The following GALNTL6 variants were observed in gnomAD, a reference collection of about 807,000 sequenced individuals.
GALNTL6 encodes the protein polypeptide N-acetylgalactosaminyltransferase like 6, also known as polypeptide N-acetylgalactosaminyltransferase-like 6.
In GALNTL6, 46 loss-of-function variants were observed where a neutral mutation model predicts 73.7. The ratio of observed to expected loss-of-function variants is 0.62; its 90% CI spans 0.49 to 0.80. The LOEUF is 0.80. Among genes scored for constraint, GALNTL6 ranks in the 30% least tolerant of loss-of-function variants. The probability of loss-of-function intolerance (pLI) is 0.00; values close to 1 mark genes in which losing one functional copy is unlikely to be tolerated. For missense variants in GALNTL6, 604 were observed against 755.0 expected, an observed-to-expected ratio of 0.80 and a Z score of 2.34; for synonymous variants, 259 against 263.7, an observed-to-expected ratio of 0.98 and a Z score of 0.17.
intron 5 of GALNTL6, among the ~76,000 whole-genome samples, chr4:172,351,909 A>G (rs957564935): frequency 6.6e-6 from 1 of 152,168 alleles, no homozygotes. Context: ...GGCCAAAAGC[A>G]CTAAACTTTA....
At chr4:172,246,831 A>T (rs7691550) in intron 3 of GALNTL6, among the ~76,000 whole-genome samples, 2,052 of 148,906 alleles carry the variant, frequency 0.014, 48 homozygotes, top group African/African-American at 0.048. Context: ...TATATATATA[A>T]ATATAAAATT....
At chr4:172,461,748 T>G (rs1233355363) in intron 5 of GALNTL6, among the ~76,000 whole-genome samples, 1 of 152,218 alleles carries the variant, frequency 6.6e-6, no homozygotes, top group African/African-American at 2.4e-5. Context: ...AGCTTGCTTT[T>G]GGGCACTCTT....
chr4:171,988,521 A>C, intron 2 of GALNTL6, among the ~76,000 whole-genome samples: 1 of 152,156 alleles, frequency 6.6e-6, no homozygotes, highest in African/African-American at 2.4e-5. Context: ...TTTGAGATCT[A>C]GAACAGAATA....
intron 3 of GALNTL6, among the ~76,000 whole-genome samples, chr4:172,304,919 C>T (rs930591744): frequency 3.9e-5 from 6 of 152,102 alleles, no homozygotes; most frequent in Admixed American, 3.9e-4. Context: ...TTGCAGTTTC[C>T]AGGTTATACA....
intron 5 of GALNTL6, among the ~76,000 whole-genome samples, chr4:172,568,775 A>AAAC (rs1221777027): frequency 1.3e-5 from 2 of 150,674 alleles, no homozygotes; most frequent in Non-Finnish European, 3.0e-5. Context: ...AAAAAAAAAA[A>AAAC]AAAAGTAACA....
intron 5 of GALNTL6, among the ~76,000 whole-genome samples, chr4:172,576,786 A>G (rs3864149): frequency 0.47 from 71,812 of 152,006 alleles, 18,830 homozygotes; most frequent in East Asian, 0.67. Flanking sequence ...TATTGTCTCA[A>G]TAGATTCTGA....
At chr4:172,608,965 A>G (rs1303443080) in intron 5 of GALNTL6, among the ~76,000 whole-genome samples, 1 of 151,962 alleles carries the variant, frequency 6.6e-6, no homozygotes, top group South Asian at 2.1e-4. Flanking sequence ...TAATTTTTGT[A>G]TGTTAATTTT....
At chr4:172,576,849 G>C (rs1363176227) in intron 5 of GALNTL6, among the ~76,000 whole-genome samples, 1 of 152,162 alleles carries the variant, frequency 6.6e-6, no homozygotes, top group East Asian at 1.9e-4. Context: ...ATGTTTCTAT[G>C]TAGAGACTGA....
chr4:171,899,499 A>G (rs1207972604), intron 2 of GALNTL6, among the ~76,000 whole-genome samples: 1 of 152,114 alleles, frequency 6.6e-6, no homozygotes, highest in Non-Finnish European at 1.5e-5. Flanking sequence ...CGTTTATTTA[A>G]TGTATCACGG....
chr4:171,944,870 A>C (rs114856600), intron 2 of GALNTL6, among the ~76,000 whole-genome samples: 2,965 of 152,094 alleles, frequency 0.019, 99 homozygotes, highest in African/African-American at 0.068. Context: ...CTAATTGATA[A>C]TGATATCAGT....
chr4:172,994,110 A>AT (rs1406119935), intron 10 of GALNTL6, among the ~76,000 whole-genome samples: 2 of 152,154 alleles, frequency 1.3e-5, no homozygotes, highest in African/African-American at 4.8e-5. Context: ...CACGTATGAG[A>AT]TTTTTCAGAA....
At chr4:172,901,296 G>C (rs1318560335) in intron 8 of GALNTL6, among the ~76,000 whole-genome samples, 1 of 152,100 alleles carries the variant, frequency 6.6e-6, no homozygotes, top group African/African-American at 2.4e-5. Context: ...TTTGCAGTGA[G>C]ACAAGAAGAA....
At chr4:172,306,584 A>G (rs1485229664) in intron 3 of GALNTL6, among the ~76,000 whole-genome samples, 2 of 152,202 alleles carry the variant, frequency 1.3e-5, no homozygotes, top group Non-Finnish European at 2.9e-5. Context: ...GTGCACACTG[A>G]ACCCAATGTG....
chr4:173,039,487 G>T (rs1486345491), intron 12 of GALNTL6, among the ~76,000 whole-genome samples: 1 of 151,984 alleles, frequency 6.6e-6, no homozygotes, highest in South Asian at 2.1e-4. Flanking sequence ...TTGTGTGTGC[G>T]TGTGAGCAGG....
rs569450147 is a variant in GALNTL6, at chr4:172,921,569, GT to G, written c.1042-9591del. On this transcript the variant is annotated intron_variant, in intron 8 of 12. Transcript: ENST00000506823. ...CCAGTACTTTGGGAGGCCGAGGCAG[GT>G]GGATCACTTGAGGTCAGGAGTTCAA... Among the ~76,000 whole-genome samples, 64 of 152,312 alleles carry G rather than the reference GT, an allele frequency of 4.2e-4. 1 individual carries two copies. Among genetic ancestry groups the G allele is most frequent in the African/African-American group, 1.5e-3 (63 of 41,572 alleles).
chr4:172,780,550 A>G (rs897013362), intron 5 of GALNTL6, among the ~76,000 whole-genome samples: 4 of 152,214 alleles, frequency 2.6e-5, no homozygotes, highest in Non-Finnish European at 4.4e-5. Context: ...GGCTGATTTC[A>G]TTGCCTTGAA....
intron 5 of GALNTL6, among the ~76,000 whole-genome samples, chr4:172,405,425 ATATATATATATATATATAT>A (rs1561068139): frequency 2.6e-5 from 3 of 114,202 alleles, no homozygotes; most frequent in East Asian, 5.2e-4. Context: ...ATATATATAT[ATATATATATATATATATAT>A]TTTTTTTTTT....
intron 5 of GALNTL6, among the ~76,000 whole-genome samples, chr4:172,429,173 TTATTA>T (rs1240104146): frequency 4.9e-4 from 36 of 72,882 alleles, no homozygotes; most frequent in African/African-American, 1.4e-3. Flanking sequence ...TTATTTTGTT[TTATTA>T]TTTTATTTTA....
intron 5 of GALNTL6, among the ~76,000 whole-genome samples, chr4:172,476,842 T>C (rs553032099): frequency 2.0e-4 from 31 of 152,294 alleles, no homozygotes; most frequent in Non-Finnish European, 4.0e-4. Context: ...TTGTGTAGTA[T>C]TTAGAGAAAG....
Sources: allele counts gnomAD v4.1 joint callset (sites outside exome capture counted in the v4.1 genomes callset), GRCh38; gene constraint gnomAD v4.1.1; transcripts MANE v1.5; gene names NCBI Gene and HGNC (gene_info 2026-07-23, HGNC 2026-07-21).